Variants in PLCB1 observed in about 807,000 individuals in gnomAD.
PLCB1 encodes phospholipase C beta 1, also known as 1-phosphatidylinositol 4,5-bisphosphate phosphodiesterase beta-1.
A neutral mutation model predicts 161.8 loss-of-function variants in PLCB1; 46 were observed. That is an observed-to-expected ratio of 0.28 (90% confidence interval 0.22 to 0.36). PLCB1 has a LOEUF of 0.36. Among genes scored for constraint, PLCB1 ranks in the 10% least tolerant of loss-of-function variants. The pLI, the probability that PLCB1 is intolerant of heterozygous loss-of-function variation, is 1.00. For missense variants in PLCB1, 1,016 were observed against 1,472.5 expected (o/e 0.69, Z 5.07); for synonymous variants, 517 against 503.7 (o/e 1.03, Z -0.35).
chr20:8,532,869 T>C lies in PLCB1; in HGVS notation c.247-95425T>C, dbSNP rs560166967. On this transcript the variant is annotated intron_variant, in intron 3 of 31. Transcript: ENST00000338037. ...TCTTCCTTTTTATTTTATTTTATTTTATTATTATGATACTTTAAGTTGTAG... is the reference window on the plus strand; with the variant it reads ...TCTTCCTTTTTATTTTATTTTATTTCATTATTATGATACTTTAAGTTGTAG... 1.1e-3 allele frequency among the ~76,000 whole-genome samples: 164 copies of C among 152,194 alleles called. 1 individual carries two copies. Among genetic ancestry groups the C allele is most frequent in the Middle Eastern group, 3.4e-3 (1 of 294 alleles).
chr20:8,640,712 G>C (rs1437285327), intron 4 of PLCB1, among the ~76,000 whole-genome samples: 1 of 152,174 alleles, frequency 6.6e-6, no homozygotes, highest in Non-Finnish European at 1.5e-5. Flanking sequence ...ACTAGGAGGA[G>C]GGAAGGGAGG....
intron 3 of PLCB1, among the ~76,000 whole-genome samples, chr20:8,425,726 AG>A (rs1281736404): frequency 6.6e-6 from 1 of 152,216 alleles, no homozygotes; most frequent in African/African-American, 2.4e-5. Flanking sequence ...CTAGGCAATG[AG>A]GAGATTCCCA....
chr20:8,464,719 C>T (rs1981736448), intron 3 of PLCB1, among the ~76,000 whole-genome samples: 1 of 152,126 alleles, frequency 6.6e-6, no homozygotes, highest in Non-Finnish European at 1.5e-5. Context: ...AGAAGCTCAC[C>T]ACCTAGCTCT....
At chr20:8,670,181 C>A (rs542569254) in intron 9 of PLCB1, among the ~76,000 whole-genome samples, 11 of 152,298 alleles carry the variant, frequency 7.2e-5, no homozygotes, top group African/African-American at 2.4e-4. Flanking sequence ...CTGTTCTTAT[C>A]TTTCTATGTC....
intron 3 of PLCB1, among the ~76,000 whole-genome samples, chr20:8,386,241 C>T (rs1987422726): frequency 6.6e-6 from 1 of 152,160 alleles, no homozygotes; most frequent in Non-Finnish European, 1.5e-5. Flanking sequence ...TCTGAAAAAT[C>T]CCTATCTATA....
At chr20:8,577,872 A>G (rs1193363202) in intron 3 of PLCB1, among the ~76,000 whole-genome samples, 1 of 152,164 alleles carries the variant, frequency 6.6e-6, no homozygotes, top group Non-Finnish European at 1.5e-5. Flanking sequence ...TTTCTTCTGA[A>G]AACCATTTGT....
intron 2 of PLCB1, among the ~76,000 whole-genome samples, chr20:8,294,668 A>G (rs1983548487): frequency 6.6e-6 from 1 of 150,404 alleles, no homozygotes. Context: ...CCTTATCAGA[A>G]GTGCTTGTTC....
intron 2 of PLCB1, among the ~76,000 whole-genome samples, chr20:8,250,071 A>G (rs777379976): frequency 3.3e-5 from 5 of 151,952 alleles, no homozygotes; most frequent in Non-Finnish European, 7.4e-5. Context: ...TTAGTGGAGA[A>G]TTAGTTGAGA....
At chr20:8,524,413 A>G (rs1439585067) in intron 3 of PLCB1, among the ~76,000 whole-genome samples, 1 of 152,046 alleles carries the variant, frequency 6.6e-6, no homozygotes, top group Non-Finnish European at 1.5e-5. Flanking sequence ...GCCTAGGTCA[A>G]TTGTTTTTAA....
chr20:8,791,114 T>C (rs1667531576), intron 31 of PLCB1, among the ~76,000 whole-genome samples: 1 of 152,134 alleles, frequency 6.6e-6, no homozygotes, highest in African/African-American at 2.4e-5. Context: ...TATGGATAAT[T>C]CTAAATATAT....
chr20:8,399,519 C>A (rs1036500520), intron 3 of PLCB1, among the ~76,000 whole-genome samples: 1 of 151,956 alleles, frequency 6.6e-6, no homozygotes, highest in African/African-American at 2.4e-5. Flanking sequence ...ACTTTAAATT[C>A]AAGTTCTATA....
chr20:8,263,055 G>A (rs1488061397), intron 2 of PLCB1, among the ~76,000 whole-genome samples: 1 of 152,112 alleles, frequency 6.6e-6, no homozygotes, highest in Non-Finnish European at 1.5e-5. Flanking sequence ...CCTAATGCAG[G>A]ACAGGCAACA....
intron 31 of PLCB1, among the ~76,000 whole-genome samples, chr20:8,862,609 T>G (rs6086660): frequency 0.28 from 43,105 of 152,042 alleles, 7,403 homozygotes; most frequent in East Asian, 0.65. Flanking sequence ...AGAAAGAAAT[T>G]GATTTTTTTA....
Position 8,737,015 on chromosome 20 carries a change from A to G in PLCB1, c.2044-13A>G. The G allele has an allele frequency of 6.3e-7, 1 of 1,597,444 alleles. No individual in the cohort carries two copies. Among genetic ancestry groups the G allele is most frequent in the African/African-American group, 1.3e-5 (1 of 74,562 alleles). The stretch of plus-strand genomic sequence containing the variant: ...AAATTCCTTATGGATTGATTGATTT[A>G]TTGATTTTCTAGATTATTTCAGGTC... On this transcript the variant is annotated splice_polypyrimidine_tract_variant and intron_variant, in intron 19 of 31. Transcript: ENST00000338037.
At chr20:8,480,137 G>A (rs138014196) in intron 3 of PLCB1, among the ~76,000 whole-genome samples, 1 of 152,330 alleles carries the variant, frequency 6.6e-6, no homozygotes. Context: ...TGCAGCATTA[G>A]AACATGGTTT....
chr20:8,725,151 G>A (rs1979866586), intron 16 of PLCB1, among the ~76,000 whole-genome samples: 1 of 152,154 alleles, frequency 6.6e-6, no homozygotes, highest in African/African-American at 2.4e-5. Context: ...CAGAAGGGAA[G>A]CAGGCAGAGA....
At chr20:8,234,690 A>G (rs1281578593) in intron 2 of PLCB1, among the ~76,000 whole-genome samples, 2 of 151,958 alleles carry the variant, frequency 1.3e-5, no homozygotes, top group Non-Finnish European at 2.9e-5. Flanking sequence ...TTTTGCCTCT[A>G]TTGTCTTTGC....
At position 8,774,600 on chromosome 20, in the gene PLCB1, G is replaced by C. The variant is rs1982854661; in HGVS notation, c.2992G>C (p.Asp998His). Reference protein sequence around the residue: ...STIEQDLAALDAEMTQKLIDL... With the variant: ...STIEQDLAALHAEMTQKLIDL... ...GATTGAGCAAGACCTCGCTGCTCTG[G>C]ATGCTGAAATGACCCAAAAGTTAAT... Residue 998 changes from aspartate (D) to histidine (H), a missense_variant, in exon 27 of 32, where the codon GAT becomes CAT. Coordinates refer to ENST00000338037, the MANE Select transcript of PLCB1 (RefSeq NM_015192.4). The C allele has an allele frequency of 7.4e-6, 12 of 1,613,822 alleles. No homozygotes were observed. Among genetic ancestry groups the C allele is most frequent in the Non-Finnish European group, 8.5e-6 (10 of 1,179,874 alleles).
intron 31 of PLCB1, among the ~76,000 whole-genome samples, chr20:8,799,665 G>A (rs1277224342): frequency 1.3e-5 from 2 of 152,098 alleles, no homozygotes; most frequent in East Asian, 3.9e-4. Flanking sequence ...ATATTTTAAA[G>A]GGAAAAGATG....
Sources: gnomAD v4.1 joint callset for allele counts (sites outside exome capture counted in the v4.1 genomes callset) on GRCh38, gnomAD v4.1.1 for gene constraint, MANE v1.5 for transcripts, NCBI Gene and HGNC (gene_info 2026-07-23, HGNC 2026-07-21) for gene names.